The following AMY1C variants were observed in gnomAD, a reference collection of about 807,000 sequenced individuals.
The protein encoded by AMY1C is alpha-amylase 1C.
In AMY1C, 3 loss-of-function variants were observed where a neutral mutation model predicts 13.4. The ratio of observed to expected loss-of-function variants is 0.22; its 90% CI spans 0.10 to 0.58. The LOEUF (loss-of-function observed/expected upper bound fraction) is 0.58, where lower values mean the gene tolerates loss of function less well. Among genes scored for constraint, AMY1C ranks in the 20% least tolerant of loss-of-function variants. The probability of loss-of-function intolerance (pLI) is 0.91; values close to 1 mark genes in which losing one functional copy is unlikely to be tolerated. For missense variants in AMY1C, 5 were observed against 96.4 expected, an observed-to-expected ratio of 0.05 and a Z score of 3.97; for synonymous variants, 1 against 28.5, an observed-to-expected ratio of 0.04 and a Z score of 3.07.
chr1:103,754,918 A>G, intron 8 of AMY1C, 104 bp downstream of exon 8: 1 of 902,116 alleles, frequency 1.1e-6, no homozygotes, highest in South Asian at 1.7e-5. Flanking sequence ...TTCAACAAAT[A>G]TTTAATTATT....
At chr1:103,755,949 A>T (rs1382055574) in intron 8 of AMY1C, among the ~76,000 whole-genome samples, 853 of 137,624 alleles carry the variant, frequency 6.2e-3, no homozygotes, top group African/African-American at 0.023. Context: ...ATAAAAAAAA[A>T]TGTTCAGATG....
chr1:103,750,187 C>T (rs1301119986), intron 1 of AMY1C, 121 bp downstream of exon 1: 1 of 264,802 alleles, frequency 3.8e-6, no homozygotes, highest in Non-Finnish European at 4.8e-6. Context: ...GCCACAGCAA[C>T]ATGTCATTGT....
intron 8 of AMY1C, among the ~76,000 whole-genome samples, chr1:103,755,913 C>G (rs1423610220): frequency 7.0e-6 from 1 of 141,984 alleles, no homozygotes; most frequent in East Asian, 2.0e-4. Context: ...ATCAGAAAAG[C>G]ATAATACTAA....
chr1:103,755,791 T>TA (rs1269583230), intron 8 of AMY1C, among the ~76,000 whole-genome samples: 1 of 115,836 alleles, frequency 8.6e-6, no homozygotes, highest in African/African-American at 2.7e-5. Flanking sequence ...CTGCATGCTA[T>TA]AAACTCTTAA....
At chr1:103,755,817 C>A (rs1653940263) in intron 8 of AMY1C, among the ~76,000 whole-genome samples, 1 of 121,634 alleles carries the variant, frequency 8.2e-6, no homozygotes, top group Non-Finnish European at 1.9e-5. Flanking sequence ...GTTCACTTTT[C>A]ACCATATGAC....
chr1:103,755,289 G>T (rs1161514639), intron 8 of AMY1C, among the ~76,000 whole-genome samples: 1 of 111,036 alleles, frequency 9.0e-6, no homozygotes. Flanking sequence ...AGTTAAATAG[G>T]GAAAGTATAC....
chr1:103,755,933 C>T (rs1398801732), intron 8 of AMY1C, among the ~76,000 whole-genome samples: 1 of 142,856 alleles, frequency 7.0e-6, no homozygotes, highest in African/African-American at 2.4e-5. Context: ...AAAATATGGT[C>T]AATTTATAAA....
Position 103,750,438 on chromosome 1 carries a change from T to C in AMY1C, c.-32T>C. On this transcript the variant is annotated 5_prime_UTR_variant, in exon 2 of 11. Transcript: ENST00000622339. ...GCTTCTTACAGGAATATAAATAGTT[T>C]CTGGAAAGGACACTGACAACTTCAA... The C allele has an allele frequency of 5.0e-6, 1 of 201,976 alleles. No homozygotes were observed. The highest frequency in any genetic ancestry group is 9.2e-5 in the South Asian group (1 of 10,880). The allele number at this position is 201,976 out of a possible 1,614,324, so 12.5% of individuals were successfully genotyped here.
chr1:103,755,835 T>C (rs1186127149), intron 8 of AMY1C, among the ~76,000 whole-genome samples: 2 of 129,598 alleles, frequency 1.5e-5, no homozygotes, highest in African/African-American at 2.5e-5. Flanking sequence ...GACGTGATTT[T>C]AAGGTGAACA....
chr1:103,754,390 A>C, intron 6 of AMY1C, 109 bp from the exon 7 acceptor site: 2 of 720,624 alleles, frequency 2.8e-6, no homozygotes, highest in South Asian at 3.4e-5. Context: ...AATTAGAGAA[A>C]GAATTTAATC....
In AMY1C at chr1:103,750,306, TG is replaced by T. The variant is rs1653865969; in HGVS notation, c.-46-117del. The T allele has an allele frequency of 7.8e-6, 5 of 639,376 alleles. No homozygotes were observed. In the South Asian group the frequency reaches 1.4e-4, roughly 19 times the overall value. 39.6% of individuals were successfully genotyped at this position (639,376 alleles called of 1,614,324 possible). A position where few individuals can be genotyped will look rare whatever the true frequency, so the allele number is the denominator to read the frequency against. On this transcript the variant is annotated intron_variant, in intron 1 of 10. Coordinates refer to ENST00000622339, the MANE Select transcript of AMY1C (RefSeq NM_001008219.3). ...GAGATGATTTCCATGAGAGACTTTT[TG>T]ATGTTCTTCACCAGTTAGGATTATT...
At chr1:103,755,739 T>C (rs1653936212) in intron 8 of AMY1C, among the ~76,000 whole-genome samples, 1 of 118,632 alleles carries the variant, frequency 8.4e-6, no homozygotes, top group Non-Finnish European at 2.0e-5. Context: ...AGAGTTCTTT[T>C]ATTTTTTCTA....
At position 103,754,757 on chromosome 1, in the gene AMY1C, T is replaced by C. The variant is rs748088093; in HGVS notation, c.1044T>C (p.Tyr348=). 98 of 1,521,556 alleles carry C rather than the reference T, an allele frequency of 6.4e-5. 3 individuals are homozygous for C. In the Admixed American group the frequency reaches 1.8e-3, roughly 27 times the overall value. The allele number at this position is 1,521,556 out of a possible 1,614,324, so 94.3% of individuals were successfully genotyped here. The part of the protein sequence containing the change: ...MAVGFMLAHP[Y]GFTRVMSSYR... ...TTGGATTTATGCTTGCTCATCCTTA[T>C]GGATTTACACGAGTAATGTCAAGCT... Residue 348 remains tyrosine (Y), a synonymous_variant, in exon 8 of 11, where the codon TAT becomes TAC. Transcript: ENST00000622339.
At chr1:103,756,253 GC>G (rs1653956688) in intron 8 of AMY1C, among the ~76,000 whole-genome samples, 1 of 74,102 alleles carries the variant, frequency 1.3e-5, no homozygotes, top group East Asian at 3.5e-4. Context: ...GCCCTTGCAG[GC>G]CAGGTGCAGT....
chr1:103,756,363 C>CAT (rs1653959528), intron 8 of AMY1C, among the ~76,000 whole-genome samples: 1 of 5,640 alleles, frequency 1.8e-4, no homozygotes, highest in Non-Finnish European at 4.2e-4. Context: ...CAAGACCTTG[C>CAT]CTCTACTGAA....
chr1:103,755,996 G>A (rs1348773144), intron 8 of AMY1C, among the ~76,000 whole-genome samples: 7 of 141,158 alleles, frequency 5.0e-5, no homozygotes, highest in South Asian at 4.9e-4. Context: ...GAAGCATGAC[G>A]GCCTCCAATA....
intron 8 of AMY1C, among the ~76,000 whole-genome samples, chr1:103,755,998 C>T (rs1653948143): frequency 1.4e-5 from 2 of 140,938 alleles, no homozygotes; most frequent in African/African-American, 2.5e-5. Context: ...AGCATGACGG[C>T]CTCCAATATT....
intron 2 of AMY1C, 120 bp downstream of exon 2, chr1:103,750,757 G>T: frequency 1.3e-4 from 1 of 7,774 alleles, no homozygotes; most frequent in Admixed American, 6.7e-4. Context: ...CTAAGTAAAA[G>T]AATTTTCTGA....
intron 8 of AMY1C, among the ~76,000 whole-genome samples, chr1:103,755,941 A>T (rs1318012920): frequency 2.1e-5 from 3 of 143,356 alleles, no homozygotes; most frequent in Admixed American, 6.8e-5. Context: ...GTCAATTTAT[A>T]AAAAAAAATG....
Sources: gnomAD v4.1 joint callset for allele counts (sites outside exome capture counted in the v4.1 genomes callset) on GRCh38, gnomAD v4.1.1 for gene constraint, MANE v1.5 for transcripts, NCBI Gene and HGNC (gene_info 2026-07-23, HGNC 2026-07-21) for gene names.